Variants in ANKS3 observed in about 807,000 individuals in gnomAD.
ANKS3 encodes ankyrin repeat and sterile alpha motif domain containing 3.
Under a neutral mutation model 80.7 loss-of-function variants are expected in ANKS3, and 62 were observed. That is an observed-to-expected ratio of 0.77 (90% CI 0.63 to 0.95). ANKS3 has a LOEUF of 0.95. Among genes scored for constraint, ANKS3 ranks in the 40% least tolerant of loss-of-function variants. The pLI is 0.00. For missense variants in ANKS3, 1,150 were observed against 883.6 expected, an observed-to-expected ratio of 1.30 and a Z score of -3.82; for synonymous variants, 489 against 355.3, an observed-to-expected ratio of 1.38 and a Z score of -4.23.
In ANKS3 at chr16:4,726,728, T is replaced by C; in HGVS notation, c.422A>G (p.His141Arg). Residue 141 changes from histidine to arginine, a missense_variant, in exon 5 of 18, where the codon CAC becomes CGC. By Grantham distance (29) the His-to-Arg change is conservative. Transcript: ENST00000304283. ...GTGCTGGTGCCCGGCGCTGGTACAG[T>C]GGAAGAGGGCTGTCCAGCCCTGGAT... Reference protein sequence around the residue: ...KDIQGWTALFHCTSAGHQHMV... With the variant: ...KDIQGWTALFRCTSAGHQHMV... The C allele has an allele frequency of 6.2e-7, 1 of 1,614,158 alleles. No individual in the cohort carries two copies. Among genetic ancestry groups the C allele is most frequent in the South Asian group, 1.1e-5 (1 of 91,078 alleles).
chr16:4,729,814 G>T, intron 3 of ANKS3, 166 bp downstream of exon 3: 1 of 654,878 alleles, frequency 1.5e-6, no homozygotes, highest in Non-Finnish European at 2.3e-6. Context: ...CGGCCTCTTT[G>T]TCAGGGCTCA....
rs200972951 is a variant in ANKS3, at chr16:4,727,150, A to G, written c.198T>C (p.Asn66=). Residue 66 remains asparagine (N), a synonymous_variant, in exon 4 of 18, where the codon AAT becomes AAC. Coordinates refer to ENST00000304283, the MANE Select transcript of ANKS3 (RefSeq NM_133450.4). The stretch of plus-strand genomic sequence containing the variant: ...ACATCAGCGGGGTCCAGCCACCACC[A>G]TTCTTCTTATTCAAATCTAACTCTC... The part of the protein sequence containing the change: ...QRRELDLNKK[N]GGGWTPLMYA... 1.2e-6 allele frequency: 2 copies of G among 1,614,166 alleles called. No homozygotes were observed. Among genetic ancestry groups the G allele is most frequent in the African/African-American group, 1.3e-5 (1 of 75,054 alleles).
At chr16:4,729,168 G>A (rs936719539) in intron 3 of ANKS3, among the ~76,000 whole-genome samples, 2 of 152,262 alleles carry the variant, frequency 1.3e-5, no homozygotes, top group East Asian at 3.9e-4. Flanking sequence ...ACCCTGCCAG[G>A]GGCTTTATAT....
Position 4,727,051 on chromosome 16 carries a change from G to C in ANKS3, c.297C>G (p.Thr99=). The change falls in exon 4 of 18, where the codon ACC becomes ACG. Residue 99 remains threonine, a synonymous_variant. Transcript: ENST00000304283. Reference sequence around the variant, plus strand: ...GCATCAGTGGAGTCTGCCCTTCTGGGGTCGGCACATTCACACTCACCCCCG... The same window carrying C: ...GCATCAGTGGAGTCTGCCCTTCTGGCGTCGGCACATTCACACTCACCCCCG... ...LEAGVSVNVP[T]PEGQTPLMLA... is the part of the protein sequence containing the mutation. 1 of 1,614,172 alleles carries C rather than the reference G, an allele frequency of 6.2e-7. No homozygotes were observed. The highest frequency in any genetic ancestry group is 8.5e-7 in the Non-Finnish European group (1 of 1,180,042).
intron 7 of ANKS3, among the ~76,000 whole-genome samples, chr16:4,709,181 T>A (rs1039221939): frequency 6.6e-6 from 1 of 151,466 alleles, no homozygotes; most frequent in African/African-American, 2.4e-5. Context: ...CCGAGTCGGG[T>A]GGACCACCTT....
rs769664244 is a variant in ANKS3, at chr16:4,699,137, A to G, written c.1324T>C (p.Tyr442His). 1.2e-6 allele frequency: 2 copies of G among 1,614,116 alleles called. No individual in the cohort carries two copies. Among genetic ancestry groups the G allele is most frequent in the Non-Finnish European group, 8.5e-7 (1 of 1,180,026 alleles). ...ALLEQIGCLK[Y>H]LQVFEEQDVD... ...TCCTGCTCCTCAAACACCTGCAGGT[A>G]CTTCAGACACCCGATCTGCTCCAGC... Residue 442 changes from tyrosine to histidine, a missense_variant, in exon 12 of 18, where the codon TAC becomes CAC. By Grantham distance (83) the Tyr-to-His change is moderately conservative. Coordinates refer to ENST00000304283, the MANE Select transcript of ANKS3 (RefSeq NM_133450.4).
chr16:4,698,661 C>T, intron 13 of ANKS3, 62 bp from the exon 14 acceptor site: 1 of 1,529,024 alleles, frequency 6.5e-7, no homozygotes, highest in Non-Finnish European at 8.7e-7. Flanking sequence ...GACCCTTGGC[C>T]ACGGCCCTGT....
At chr16:4,723,409 T>C (rs1019543626) in intron 6 of ANKS3, among the ~76,000 whole-genome samples, 4 of 152,238 alleles carry the variant, frequency 2.6e-5, no homozygotes, top group African/African-American at 9.6e-5. Context: ...CTTCTTTCAC[T>C]GAGCCGAATG....
At chr16:4,730,901 A>G (rs990702246) in intron 2 of ANKS3, among the ~76,000 whole-genome samples, 2 of 152,116 alleles carry the variant, frequency 1.3e-5, no homozygotes, top group African/African-American at 4.8e-5. Context: ...TCTGCTACTT[A>G]GCAACTCCAA....
In ANKS3 at chr16:4,696,683, G is replaced by C. The variant is rs79976436; in HGVS notation, c.*225C>G. ...CCATGAACTCTGGGCCTCACCACGA[G>C]GTTCTGGGTGAGGCCCTCGTCCCGC... On this transcript the variant is annotated 3_prime_UTR_variant, in exon 18 of 18. Transcript: ENST00000304283. 2,668 of 386,512 alleles carry C rather than the reference G, an allele frequency of 6.9e-3. 50 individuals are homozygous for C. Among genetic ancestry groups the C allele is most frequent in the African/African-American group, 0.05 (2,442 of 48,438 alleles). The allele number at this position is 386,512 out of a possible 1,614,324, so 23.9% of individuals were successfully genotyped here. A position where few individuals can be genotyped will look rare whatever the true frequency, so the allele number is the denominator to read the frequency against.
chr16:4,698,196 C>G, intron 14 of ANKS3, 134 bp from the exon 15 acceptor site: 1 of 1,178,936 alleles, frequency 8.5e-7, no homozygotes, highest in Non-Finnish European at 1.2e-6. Flanking sequence ...GGCCAGTGCC[C>G]CATGAGGCTG....
chr16:4,716,987 T>C (rs1169329795), intron 6 of ANKS3, among the ~76,000 whole-genome samples: 2 of 151,982 alleles, frequency 1.3e-5, no homozygotes, highest in Non-Finnish European at 2.9e-5. Flanking sequence ...ATCCCAGCAC[T>C]TTGGTAGGCC....
chr16:4,716,708 A>G (rs2080818799), intron 6 of ANKS3, among the ~76,000 whole-genome samples: 1 of 151,950 alleles, frequency 6.6e-6, no homozygotes, highest in Non-Finnish European at 1.5e-5. Context: ...ATAGGTCATG[A>G]GTTCGAGACC....
At chr16:4,714,431 A>C (rs1223443152) in intron 6 of ANKS3, 1 of 550,974 alleles carries the variant, frequency 1.8e-6, no homozygotes, top group African/African-American at 1.9e-5. Context: ...TCCCACGCTC[A>C]TGACCTCCCT....
intron 7 of ANKS3, among the ~76,000 whole-genome samples, chr16:4,705,567 C>T (rs1302886692): frequency 2.6e-5 from 4 of 152,176 alleles, no homozygotes; most frequent in Admixed American, 2.0e-4. Flanking sequence ...TGGGTTCTAG[C>T]GATTCTCACG....
Position 4,698,044 on chromosome 16 carries a change from C to T in ANKS3, c.1743G>A (p.Leu581=). Residue 581 remains leucine (L), a synonymous_variant, in exon 15 of 18, where the codon CTG becomes CTA. Transcript: ENST00000304283. ...GCTGGTCCTGCCTCACTCGAGATGA[C>T]AGCTCAGCTTGACAGGCTCTGCCAG... is the stretch of plus-strand genomic sequence containing the variant. ...LDQLRACQAE[L]SSRVRQDQPP... 1 of 1,609,560 alleles carries T rather than the reference C, an allele frequency of 6.2e-7. No individual in the cohort carries two copies. The highest frequency in any genetic ancestry group is 8.5e-7 in the Non-Finnish European group (1 of 1,178,680).
At chr16:4,712,597 G>T (rs2080555238) in intron 7 of ANKS3, among the ~76,000 whole-genome samples, 1 of 152,032 alleles carries the variant, frequency 6.6e-6, no homozygotes, top group Non-Finnish European at 1.5e-5. Flanking sequence ...CAAAGATATG[G>T]GAACACAATT....
intron 8 of ANKS3, among the ~76,000 whole-genome samples, chr16:4,703,949 C>G (rs1008032051): frequency 6.6e-6 from 1 of 152,250 alleles, no homozygotes; most frequent in Non-Finnish European, 1.5e-5. Flanking sequence ...AGGATGACAG[C>G]TTCCTTCCTG....
chr16:4,696,893 G>C lies in ANKS3; in HGVS notation c.*15C>G, dbSNP rs2079580017. On this transcript the variant is annotated 3_prime_UTR_variant, in exon 18 of 18. Coordinates refer to ENST00000304283, the MANE Select transcript of ANKS3 (RefSeq NM_133450.4). ...AGGGTGGACCAATCACCCAACGTCAGATTCTGAAAGAAAAAGCCCCGGTGA... is the reference window on the plus strand; with the variant it reads ...AGGGTGGACCAATCACCCAACGTCACATTCTGAAAGAAAAAGCCCCGGTGA... The C allele has an allele frequency of 1.1e-5, 10 of 885,124 alleles. No individual in the cohort carries two copies. Among genetic ancestry groups the C allele is most frequent in the Middle Eastern group, 3.3e-4 (1 of 2,986 alleles). The allele number at this position is 885,124 out of a possible 1,614,324, so 54.8% of individuals were successfully genotyped here.
Sources: allele counts gnomAD v4.1 joint callset (sites outside exome capture counted in the v4.1 genomes callset), GRCh38; gene constraint gnomAD v4.1.1; transcripts MANE v1.5; gene names NCBI Gene and HGNC (gene_info 2026-07-23, HGNC 2026-07-21).